Variants in ECM2 observed in about 807,000 individuals in gnomAD.
ECM2 encodes the protein extracellular matrix protein 2, female organ and adipocyte specific.
ECM2 carries 57 observed loss-of-function variants against 67.5 expected under a neutral mutation model. That is an observed-to-expected ratio of 0.84 (90% CI 0.68 to 1.05). ECM2 has a LOEUF of 1.05. Among genes scored for constraint, ECM2 ranks in the 50% least tolerant of loss-of-function variants. ECM2 has a pLI of 0.00. For missense variants in ECM2, 741 were observed against 822.8 expected, an observed-to-expected ratio of 0.90 and a Z score of 1.22; for synonymous variants, 258 against 294.5, an observed-to-expected ratio of 0.88 and a Z score of 1.27.
rs753913660 is a variant in ECM2, at chr9:92,522,240, C to T, written c.292+335G>A. ...TAGCTGGGATTACAGGTACATGCCACCACACCCGGCTAATTTTTTGTATTT... is the reference window on the plus strand; with the variant it reads ...TAGCTGGGATTACAGGTACATGCCATCACACCCGGCTAATTTTTTGTATTT... On this transcript the variant is annotated intron_variant, in intron 2 of 9. Coordinates refer to ENST00000344604, the MANE Select transcript of ECM2 (RefSeq NM_001393.4). 5.4e-4 allele frequency among the ~76,000 whole-genome samples: 82 copies of T among 152,020 alleles called. 1 individual carries two copies. Among genetic ancestry groups the T allele is most frequent in the Admixed American group, 2.6e-4 (4 of 15,254 alleles).
chr9:92,527,876 A>G lies in ECM2; in HGVS notation c.-27-4983T>C, dbSNP rs553719472. 9 of 154,344 alleles carry G rather than the reference A, an allele frequency of 5.8e-5. No homozygotes were observed. In the South Asian group the frequency reaches 1.4e-3, roughly 24 times the overall value. The allele number at this position is 154,344 out of a possible 1,614,324, so 9.6% of individuals were successfully genotyped here. A position where few individuals can be genotyped will look rare whatever the true frequency, so the allele number is the denominator to read the frequency against. On this transcript the variant is annotated intron_variant, in intron 1 of 9. Coordinates refer to ENST00000344604, the MANE Select transcript of ECM2 (RefSeq NM_001393.4). Reference sequence around the variant, plus strand: ...CATACAGTATATCACCTGAAGGCCAAGAAAATGAGCATGGTTTTGTGGAGA... The same window carrying G: ...CATACAGTATATCACCTGAAGGCCAGGAAAATGAGCATGGTTTTGTGGAGA...
upstream of ECM2, chr9:92,536,205 G>A (rs1393395418): frequency 2.8e-6 from 1 of 359,892 alleles, no homozygotes; most frequent in Non-Finnish European, 5.2e-6. Flanking sequence ...GTAGAAAACA[G>A]CAGTGGGTGT....
At chr9:92,554,578 G>A in the ECM2 span, among the ~76,000 whole-genome samples, 1 of 152,124 alleles carries the variant, frequency 6.6e-6, no homozygotes, top group African/African-American at 2.4e-5. Context: ...ACTTGATCAT[G>A]GTGGATTATC....
intron 9 of ECM2, 91 bp downstream of exon 9, chr9:92,500,636 A>G: frequency 1.5e-6 from 2 of 1,323,980 alleles, no homozygotes; most frequent in Non-Finnish European, 2.1e-6. Flanking sequence ...TTTTTCCCTT[A>G]ACGTAAATCC....
Position 92,495,520 on chromosome 9 carries a change from G to A in ECM2, c.*795C>T. On this transcript the variant is annotated 3_prime_UTR_variant, in exon 10 of 10. Transcript: ENST00000344604. ...GGTTATAGTCAAGAATAATTAATTT[G>A]TATTTTAAGCAAACTCTACTGCTTT... 3 of 983,330 alleles carry A rather than the reference G, an allele frequency of 3.1e-6. No homozygotes were observed. The highest frequency in any genetic ancestry group is 3.6e-6 in the Non-Finnish European group (3 of 828,040). The allele number at this position is 983,330 out of a possible 1,614,324, so 60.9% of individuals were successfully genotyped here.
At chr9:92,501,858 TC>T (rs1206260533) in intron 8 of ECM2, among the ~76,000 whole-genome samples, 2 of 152,194 alleles carry the variant, frequency 1.3e-5, no homozygotes, top group Non-Finnish European at 2.9e-5. Context: ...TGCTTCTGAC[TC>T]CCTCCCCCTT....
At chr9:92,551,599 G>C in the ECM2 span, among the ~76,000 whole-genome samples, 126 of 152,028 alleles carry the variant, frequency 8.3e-4, 1 homozygote, top group African/African-American at 2.8e-3. Context: ...GTGGTGATTT[G>C]TGAGATTTTG....
the ECM2 span, among the ~76,000 whole-genome samples, chr9:92,542,236 T>C: frequency 6.6e-6 from 1 of 152,240 alleles, no homozygotes; most frequent in Non-Finnish European, 1.5e-5. Flanking sequence ...TTGCCTATTT[T>C]CTTGATTGGG....
At chr9:92,532,351 C>T (rs1050436761) in intron 1 of ECM2, among the ~76,000 whole-genome samples, 1 of 152,022 alleles carries the variant, frequency 6.6e-6, no homozygotes, top group African/African-American at 2.4e-5. Flanking sequence ...TCCTATTTGG[C>T]ACTTCTTGAA....
chr9:92,548,802 C>T, the ECM2 span, among the ~76,000 whole-genome samples: 1 of 152,252 alleles, frequency 6.6e-6, no homozygotes. Context: ...AACATTTGTT[C>T]TTACACTGAT....
intron 5 of ECM2, among the ~76,000 whole-genome samples, chr9:92,511,083 C>T (rs1237230918): frequency 6.6e-6 from 1 of 151,936 alleles, no homozygotes; most frequent in Non-Finnish European, 1.5e-5. Context: ...AAACATAAAC[C>T]CCTTTTCTCT....
chr9:92,495,527 A>C lies in ECM2; in HGVS notation c.*788T>G. 1 of 983,372 alleles carries C rather than the reference A, an allele frequency of 1.0e-6. No homozygotes were observed. 60.9% of individuals were successfully genotyped at this position (983,372 alleles called of 1,614,324 possible). On this transcript the variant is annotated 3_prime_UTR_variant, in exon 10 of 10. Coordinates refer to ENST00000344604, the MANE Select transcript of ECM2 (RefSeq NM_001393.4). Reference sequence around the variant, plus strand: ...GTCAAGAATAATTAATTTGTATTTTAAGCAAACTCTACTGCTTTTCAAAAA... The same window carrying C: ...GTCAAGAATAATTAATTTGTATTTTCAGCAAACTCTACTGCTTTTCAAAAA...
intron 3 of ECM2, chr9:92,517,324 A>C (rs1263378197): frequency 3.0e-6 from 1 of 332,804 alleles, no homozygotes; most frequent in Non-Finnish European, 5.5e-6. Flanking sequence ...GGCACGTTGC[A>C]CTGGATTAAG....
downstream of ECM2, among the ~76,000 whole-genome samples, chr9:92,494,687 T>A (rs1314976390): frequency 6.6e-6 from 1 of 152,094 alleles, no homozygotes; most frequent in East Asian, 1.9e-4. Context: ...GGCGGTCTTA[T>A]CACAAGGTCA....
At chr9:92,502,701 C>G in intron 7 of ECM2, 49 bp from the exon 8 acceptor site, 1 of 1,410,532 alleles carries the variant, frequency 7.1e-7, no homozygotes, top group Non-Finnish European at 9.6e-7. Flanking sequence ...TTAGTTGATA[C>G]GTTCAATTTC....
At chr9:92,525,161 A>C (rs769069524) in intron 1 of ECM2, among the ~76,000 whole-genome samples, 7 of 152,086 alleles carry the variant, frequency 4.6e-5, no homozygotes, top group Non-Finnish European at 7.4e-5. Context: ...CAACTAAAAC[A>C]TAAAAAATTA....
the ECM2 span, among the ~76,000 whole-genome samples, chr9:92,542,137 G>T: frequency 2.6e-5 from 4 of 152,040 alleles, no homozygotes; most frequent in Non-Finnish European, 5.9e-5. Flanking sequence ...TAGATCATCC[G>T]GTAGTTCTAC....
intron 7 of ECM2, 152 bp from the exon 8 acceptor site, chr9:92,502,804 CTTT>C (rs34408968): frequency 0.056 from 16,322 of 290,656 alleles, 2 homozygotes; most frequent in Middle Eastern, 0.096. Flanking sequence ...TTTAAGTTGT[CTTT>C]TTTTTTTTTT....
chr9:92,541,652 C>T (rs1039870420), upstream of ECM2, among the ~76,000 whole-genome samples: 5 of 151,874 alleles, frequency 3.3e-5, no homozygotes, highest in African/African-American at 1.2e-4. Flanking sequence ...TCATAAATAA[C>T]AGAATTTGCT....
Sources: allele counts gnomAD v4.1 joint callset (sites outside exome capture counted in the v4.1 genomes callset), GRCh38; gene constraint gnomAD v4.1.1; transcripts MANE v1.5; gene names NCBI Gene and HGNC (gene_info 2026-07-23, HGNC 2026-07-21).